The following SV2C variants were observed in gnomAD, a reference collection of about 807,000 sequenced individuals.
SV2C encodes the protein synaptic vesicle glycoprotein 2C.
In SV2C, 49 loss-of-function variants were observed where a neutral mutation model predicts 79.7. That is an observed-to-expected ratio of 0.61 (90% CI 0.49 to 0.78). The LOEUF (loss-of-function observed/expected upper bound fraction) is 0.78, where lower values mean the gene tolerates loss of function less well. Ranked by LOEUF, SV2C falls within the 30% of genes least tolerant of loss-of-function variation. The pLI is 0.00. For missense variants in SV2C, 833 were observed against 912.9 expected (o/e 0.91, Z 1.13); for synonymous variants, 334 against 333.2 (o/e 1.00, Z -0.03).
At chr5:75,921,238 T>G in the SV2C span, 1 of 1,370,140 alleles carries the variant, frequency 7.3e-7, no homozygotes, top group Non-Finnish European at 1.0e-6. Flanking sequence ...GACACTTCCC[T>G]TTGACTTTGA....
rs182533664 is a variant in SV2C at position 76,320,493 on chromosome 5, A to T, written c.2001-4871A>T. On this transcript the variant is annotated intron_variant, in intron 12 of 12. Coordinates refer to ENST00000502798, the MANE Select transcript of SV2C (RefSeq NM_014979.4). ...TGTAACAAATGTACCATACCAAAGC[A>T]AGAAGTTACTAGTGGAAACTGAGGG... 9.2e-5 allele frequency among the ~76,000 whole-genome samples: 14 copies of T among 152,334 alleles called. No individual in the cohort carries two copies. The South Asian group carries it at 2.5e-3, about 27-fold the overall frequency.
chr5:76,197,942 C>G (rs549312070), intron 3 of SV2C, among the ~76,000 whole-genome samples: 7 of 152,118 alleles, frequency 4.6e-5, no homozygotes, highest in Non-Finnish European at 1.0e-4. Context: ...AGTGCAAGTC[C>G]CAAAGTCCAA....
downstream of SV2C, among the ~76,000 whole-genome samples, chr5:76,338,221 C>G (rs1749365379): frequency 6.6e-6 from 1 of 152,220 alleles, no homozygotes; most frequent in Non-Finnish European, 1.5e-5. Context: ...GTAGATAGGA[C>G]AGGATAAGCT....
At chr5:75,859,124 T>C in the SV2C span, among the ~76,000 whole-genome samples, 2 of 152,214 alleles carry the variant, frequency 1.3e-5, no homozygotes, top group African/African-American at 4.8e-5. Flanking sequence ...CTACTAATTT[T>C]GGTTTTGGTT....
the SV2C span, among the ~76,000 whole-genome samples, chr5:75,913,481 G>A: frequency 1.8e-4 from 28 of 152,340 alleles, no homozygotes; most frequent in East Asian, 5.4e-3. Context: ...TGATTAGAAA[G>A]CCTTGAAAGG....
At chr5:75,984,285 T>C in the SV2C span, among the ~76,000 whole-genome samples, 4 of 152,118 alleles carry the variant, frequency 2.6e-5, no homozygotes, top group Admixed American at 1.3e-4. Context: ...ATCTAATAAG[T>C]TGACAGAAAG....
the SV2C span, among the ~76,000 whole-genome samples, chr5:75,871,856 C>CACAT: frequency 4.3e-3 from 584 of 134,444 alleles, 5 homozygotes; most frequent in African/African-American, 0.015. Flanking sequence ...CACACACACA[C>CACAT]ACGTATATAT....
At chr5:75,925,791 T>C in the SV2C span, among the ~76,000 whole-genome samples, 1 of 151,936 alleles carries the variant, frequency 6.6e-6, no homozygotes, top group Non-Finnish European at 1.5e-5. Context: ...ATTCTTAGAG[T>C]AAGCAATTTA....
intron 4 of SV2C, among the ~76,000 whole-genome samples, chr5:76,270,794 G>T (rs1473043703): frequency 6.6e-6 from 1 of 150,744 alleles, no homozygotes; most frequent in Non-Finnish European, 1.5e-5. Flanking sequence ...TTTGAGACAG[G>T]GTCTCACTCT....
At chr5:76,250,534 G>C (rs1174921267) in intron 4 of SV2C, among the ~76,000 whole-genome samples, 1 of 152,186 alleles carries the variant, frequency 6.6e-6, no homozygotes, top group Non-Finnish European at 1.5e-5. Flanking sequence ...GGTTTTACTA[G>C]AGGAAAGGTG....
At chr5:76,133,933 T>C (rs1044602879) in intron 2 of SV2C, among the ~76,000 whole-genome samples, 4 of 152,218 alleles carry the variant, frequency 2.6e-5, no homozygotes, top group Admixed American at 2.0e-4. Context: ...TATTTAATAA[T>C]TGCCAGCTTA....
the SV2C span, among the ~76,000 whole-genome samples, chr5:75,859,517 T>C: frequency 6.6e-6 from 1 of 152,186 alleles, no homozygotes; most frequent in Non-Finnish European, 1.5e-5. Flanking sequence ...TATCTCTCTT[T>C]GTTAATGTGG....
the SV2C span, among the ~76,000 whole-genome samples, chr5:76,056,520 A>G: frequency 6.6e-6 from 1 of 151,506 alleles, no homozygotes; most frequent in African/African-American, 2.4e-5. Flanking sequence ...TGAGTTAGGT[A>G]GGAGTCCCTC....
At chr5:75,983,332 T>A in the SV2C span, among the ~76,000 whole-genome samples, 1 of 152,078 alleles carries the variant, frequency 6.6e-6, no homozygotes, top group Non-Finnish European at 1.5e-5. Context: ...ACTACTTAAC[T>A]TTCAGCACCA....
intron 2 of SV2C, among the ~76,000 whole-genome samples, chr5:76,188,154 G>A (rs1256998550): frequency 6.6e-6 from 1 of 152,104 alleles, no homozygotes; most frequent in Non-Finnish European, 1.5e-5. Flanking sequence ...CCAACTATTT[G>A]GGAGGCTGAG....
chr5:75,944,410 T>C, the SV2C span, among the ~76,000 whole-genome samples: 2 of 152,172 alleles, frequency 1.3e-5, no homozygotes, highest in African/African-American at 4.8e-5. Flanking sequence ...ATTCTATTCA[T>C]TGGGTAAAAA....
intron 12 of SV2C, among the ~76,000 whole-genome samples, chr5:76,305,223 G>A (rs1022991804): frequency 6.6e-6 from 1 of 152,122 alleles, no homozygotes; most frequent in Non-Finnish European, 1.5e-5. Context: ...TCTGACACTG[G>A]GGATTACATT....
At chr5:75,912,617 A>G in the SV2C span, among the ~76,000 whole-genome samples, 1 of 152,244 alleles carries the variant, frequency 6.6e-6, no homozygotes, top group Non-Finnish European at 1.5e-5. Flanking sequence ...ATAGGATCAG[A>G]CATGACCCCA....
chr5:76,322,273 A>T (rs560747474), intron 12 of SV2C, among the ~76,000 whole-genome samples: 54 of 152,302 alleles, frequency 3.5e-4, no homozygotes, highest in African/African-American at 1.3e-3. Flanking sequence ...TCATGAGTGA[A>T]CTCCCATTCA....
Sources: gnomAD v4.1 joint callset for allele counts (sites outside exome capture counted in the v4.1 genomes callset) on GRCh38, gnomAD v4.1.1 for gene constraint, MANE v1.5 for transcripts, NCBI Gene and HGNC (gene_info 2026-07-23, HGNC 2026-07-21) for gene names.